The following POU6F2 variants were observed in gnomAD, a reference collection of about 807,000 sequenced individuals.
POU6F2 encodes POU domain, class 6, transcription factor 2.
A neutral mutation model predicts 71.3 loss-of-function variants in POU6F2; 31 were observed. The observed-to-expected ratio is 0.43, with a 90% confidence interval of 0.33 to 0.59. POU6F2 has a LOEUF of 0.59. POU6F2 is among the 20% of genes least tolerant of loss of function. The probability of loss-of-function intolerance (pLI) is 0.04; values close to 1 mark genes in which losing one functional copy is unlikely to be tolerated. For missense variants in POU6F2, 783 were observed against 856.8 expected (o/e 0.91, Z 1.07); for synonymous variants, 347 against 355.7 (o/e 0.98, Z 0.27).
chr7:39,148,029 C>G lies in POU6F2; in HGVS notation c.278-56206C>G, dbSNP rs1423859443. On this transcript the variant is annotated intron_variant, in intron 2 of 9. Coordinates refer to ENST00000518318, the MANE Select transcript of POU6F2 (RefSeq NM_001370959.1). ...CCTAGGCACTGCCCACAACCATGCCCTATTTAATTACTTTCACCATACATG... is the reference window on the plus strand; with the variant it reads ...CCTAGGCACTGCCCACAACCATGCCGTATTTAATTACTTTCACCATACATG... Among the ~76,000 whole-genome samples the G allele has an allele frequency of 2.0e-5, 3 of 152,208 alleles. No homozygotes were observed. In the East Asian group the frequency reaches 5.8e-4, roughly 29 times the overall value.
Position 39,382,235 on chromosome 7 carries a change from A to G in POU6F2, c.973-24365A>G, listed in dbSNP as rs567526371. On this transcript the variant is annotated intron_variant, in intron 5 of 9. Coordinates refer to ENST00000518318, the MANE Select transcript of POU6F2 (RefSeq NM_001370959.1). Reference sequence around the variant, plus strand: ...AAAGGTGCTTTTCGAAGCAGACCCAAGGACACCTGAGACCCTGCCTATCAG... The same window carrying G: ...AAAGGTGCTTTTCGAAGCAGACCCAGGGACACCTGAGACCCTGCCTATCAG... Among the ~76,000 whole-genome samples the G allele has an allele frequency of 1.6e-3, 241 of 152,316 alleles. 1 individual carries two copies. The highest frequency in any genetic ancestry group is 2.5e-3 in the Admixed American group (38 of 15,292).
chr7:39,273,978 G>A (rs1784387707), intron 4 of POU6F2, among the ~76,000 whole-genome samples: 1 of 152,052 alleles, frequency 6.6e-6, no homozygotes, highest in Admixed American at 6.6e-5. Context: ...CATGACTATG[G>A]CAACTTTGCT....
intron 5 of POU6F2, among the ~76,000 whole-genome samples, chr7:39,376,238 C>A (rs1786708134): frequency 6.6e-6 from 1 of 152,128 alleles, no homozygotes; most frequent in South Asian, 2.1e-4. Context: ...CACAGTTTAT[C>A]CATTCACTGA....
intron 2 of POU6F2, among the ~76,000 whole-genome samples, chr7:39,171,295 G>A (rs1415082151): frequency 2.0e-5 from 3 of 151,852 alleles, no homozygotes; most frequent in South Asian, 2.1e-4. Context: ...TATCCTGTAA[G>A]TTCTGCTATA....
intron 5 of POU6F2, among the ~76,000 whole-genome samples, chr7:39,359,390 A>G (rs1786328275): frequency 6.6e-6 from 1 of 152,150 alleles, no homozygotes; most frequent in Non-Finnish European, 1.5e-5. Context: ...TATTTTAAAC[A>G]TCCTCTGGAT....
In POU6F2 at chr7:38,984,403, G is replaced by A. The variant is rs184818101; in HGVS notation, c.105+6345G>A. The A allele has an allele frequency of 3.2e-3, 487 of 152,230 alleles. 1 individual carries two copies. Among genetic ancestry groups the A allele is most frequent in the Admixed American group, 5.4e-3 (83 of 15,278 alleles). 9.4% of individuals were successfully genotyped at this position (152,230 alleles called of 1,614,324 possible). On this transcript the variant is annotated intron_variant, in intron 1 of 9. Coordinates refer to ENST00000518318, the MANE Select transcript of POU6F2 (RefSeq NM_001370959.1). ...TTGTGGGCTTCCCAGGCAGGAAAGG[G>A]CACTGGAAAGAGAGACAAGACCTCG...
intron 4 of POU6F2, among the ~76,000 whole-genome samples, chr7:39,252,379 C>CACAT (rs1783938532): frequency 7.6e-6 from 1 of 130,762 alleles, no homozygotes; most frequent in Non-Finnish European, 1.6e-5. Context: ...CAAACACACA[C>CACAT]ACATACAGAC....
At chr7:39,095,566 C>A (rs967073464) in intron 2 of POU6F2, among the ~76,000 whole-genome samples, 5 of 152,084 alleles carry the variant, frequency 3.3e-5, no homozygotes, top group African/African-American at 1.2e-4. Context: ...GATACAATAA[C>A]CTGAACCCTG....
chr7:39,456,645 A>T (rs1040698592), intron 8 of POU6F2, among the ~76,000 whole-genome samples: 1 of 152,210 alleles, frequency 6.6e-6, no homozygotes, highest in Non-Finnish European at 1.5e-5. Flanking sequence ...GTAGTCTCAG[A>T]ACCCATGGAG....
intron 1 of POU6F2, among the ~76,000 whole-genome samples, chr7:39,015,352 ATATATAT>A (rs1482528067): frequency 2.3e-5 from 3 of 129,102 alleles, no homozygotes; most frequent in Non-Finnish European, 4.7e-5. Flanking sequence ...ATAATAATAG[ATATATAT>A]TATATAATAT....
rs532910785 is a variant in POU6F2 at position 39,286,043 on chromosome 7, A to G, written c.599-53599A>G. ...TCCATGAGCTTCTCTTCCCACCAGC[A>G]TCTGTACTTAAGCCTCATCTCTACT... On this transcript the variant is annotated intron_variant, in intron 4 of 9. Transcript: ENST00000518318. 7.9e-5 allele frequency among the ~76,000 whole-genome samples: 12 copies of G among 152,344 alleles called. No individual in the cohort carries two copies. In the South Asian group the frequency reaches 2.5e-3, roughly 32 times the overall value.
At chr7:39,340,652 T>G (rs913977806) in intron 5 of POU6F2, among the ~76,000 whole-genome samples, 1 of 152,164 alleles carries the variant, frequency 6.6e-6, no homozygotes, top group Non-Finnish European at 1.5e-5. Flanking sequence ...TAGGTTTACT[T>G]TATTACTGTG....
intron 4 of POU6F2, among the ~76,000 whole-genome samples, chr7:39,209,109 T>A (rs1298067912): frequency 6.6e-6 from 1 of 152,220 alleles, no homozygotes; most frequent in African/African-American, 2.4e-5. Flanking sequence ...CTTAAGATAT[T>A]AGTACCTGTT....
intron 5 of POU6F2, among the ~76,000 whole-genome samples, chr7:39,381,371 G>A (rs1053507294): frequency 1.3e-5 from 2 of 152,146 alleles, no homozygotes; most frequent in Non-Finnish European, 2.9e-5. Flanking sequence ...TTGAGTAGCT[G>A]GGACTACAGG....
At chr7:39,310,649 G>A (rs1785145211) in intron 4 of POU6F2, among the ~76,000 whole-genome samples, 2 of 152,232 alleles carry the variant, frequency 1.3e-5, no homozygotes, top group Admixed American at 6.5e-5. Context: ...CATGATGTAA[G>A]TACAACATAC....
In POU6F2 at chr7:39,220,381, TTG is replaced by T. The variant is rs570387075; in HGVS notation, c.598+12763_598+12764del. Among the ~76,000 whole-genome samples the T allele has an allele frequency of 2.6e-4, 40 of 152,318 alleles. No homozygotes were observed. The South Asian group carries it at 7.9e-3, about 30-fold the overall frequency. ...TTGCAACTTGATGCCCTAGTACATT[TTG>T]TCTCATTGTGAAGTGATTCTGAGTC... On this transcript the variant is annotated intron_variant, in intron 4 of 9. Transcript: ENST00000518318.
At chr7:39,333,071 GA>G (rs1431303663) in intron 4 of POU6F2, among the ~76,000 whole-genome samples, 1 of 152,154 alleles carries the variant, frequency 6.6e-6, no homozygotes, top group Non-Finnish European at 1.5e-5. Context: ...CACCCCCTGG[GA>G]ACTCATGGGG....
chr7:39,264,327 T>C (rs4469355), intron 4 of POU6F2, among the ~76,000 whole-genome samples: 47,469 of 152,144 alleles, frequency 0.31, 8,174 homozygotes, highest in East Asian at 0.46. Context: ...TGTGGACCCG[T>C]CATTCAAATG....
chr7:39,032,333 C>T (rs1440271689), intron 1 of POU6F2, among the ~76,000 whole-genome samples: 1 of 152,106 alleles, frequency 6.6e-6, no homozygotes, highest in African/African-American at 2.4e-5. Flanking sequence ...CTGAATGAGT[C>T]CATTATTAGC....
Sources: gnomAD v4.1 joint callset for allele counts (sites outside exome capture counted in the v4.1 genomes callset) on GRCh38, gnomAD v4.1.1 for gene constraint, MANE v1.5 for transcripts, NCBI Gene and HGNC (gene_info 2026-07-23, HGNC 2026-07-21) for gene names.